The following ST3GAL6 variants were observed in gnomAD, a reference collection of about 807,000 sequenced individuals.
ST3GAL6 encodes the protein type 2 lactosamine alpha-2,3-sialyltransferase.
A neutral mutation model predicts 40.5 loss-of-function variants in ST3GAL6; 31 were observed. That is an observed-to-expected ratio of 0.77 (90% CI 0.58 to 1.03). ST3GAL6 has a LOEUF of 1.03. Ranked by LOEUF, ST3GAL6 falls within the 50% of genes least tolerant of loss-of-function variation. The probability of loss-of-function intolerance (pLI) is 0.00; values close to 1 mark genes in which losing one functional copy is unlikely to be tolerated. For missense variants in ST3GAL6, 357 were observed against 393.2 expected, an observed-to-expected ratio of 0.91 and a Z score of 0.78; for synonymous variants, 129 against 136.9, an observed-to-expected ratio of 0.94 and a Z score of 0.40.
intron 5 of ST3GAL6, chr3:98,782,759 C>G (rs828610): frequency 0.36 from 182,393 of 509,646 alleles, 36,491 homozygotes; most frequent in East Asian, 0.71. Flanking sequence ...TCCAAGTGGT[C>G]TCATAATCAA....
chr3:98,771,183 T>G, intron 3 of ST3GAL6: 1 of 1,460,342 alleles, frequency 6.8e-7, no homozygotes, highest in African/African-American at 1.4e-5. Flanking sequence ...AGTATTCTTT[T>G]CACACAGGTG....
intron 1 of ST3GAL6, among the ~76,000 whole-genome samples, chr3:98,738,340 C>G (rs1270779083): frequency 2.0e-5 from 3 of 151,900 alleles, no homozygotes; most frequent in Non-Finnish European, 4.4e-5. Context: ...GTGGCACAAT[C>G]ATTCTTCACT....
At chr3:98,782,258 T>C (rs1319677540) in intron 5 of ST3GAL6, 2 of 703,302 alleles carry the variant, frequency 2.8e-6, no homozygotes, top group Non-Finnish European at 5.2e-6. Flanking sequence ...AGCAAGGACT[T>C]CCAGTAGCTT....
chr3:98,732,750 C>A, intron 1 of ST3GAL6: 1 of 1,093,906 alleles, frequency 9.1e-7, no homozygotes, highest in Non-Finnish European at 1.2e-6. Context: ...CCGGGCAGGG[C>A]TGCTCCCTCC....
upstream of ST3GAL6, among the ~76,000 whole-genome samples, chr3:98,760,302 A>T (rs1937629742): frequency 6.6e-6 from 1 of 152,188 alleles, no homozygotes; most frequent in Non-Finnish European, 1.5e-5. Context: ...GACTCAGTGG[A>T]TCAAAGGTTG....
At chr3:98,745,367 G>T (rs1053089887) in intron 1 of ST3GAL6, among the ~76,000 whole-genome samples, 1 of 152,154 alleles carries the variant, frequency 6.6e-6, no homozygotes, top group African/African-American at 2.4e-5. Flanking sequence ...CTGAGTTTCT[G>T]GTGTTAGGGG....
chr3:98,770,912 G>A lies in ST3GAL6; in HGVS notation c.123G>A (p.Lys41=), dbSNP rs183724168. 2.5e-6 allele frequency: 4 copies of A among 1,614,124 alleles called. No individual in the cohort carries two copies. The African/African-American group carries it at 4.0e-5, about 16-fold the overall frequency. ...CTGTGGAAATGAAACGGAGAAATAAGATCCAGCCTTGTTTATCAAAGCCAG... is the reference window on the plus strand; with the variant it reads ...CTGTGGAAATGAAACGGAGAAATAAAATCCAGCCTTGTTTATCAAAGCCAG... ...VAPVEMKRRN[K]IQPCLSKPAF... is the part of the protein sequence containing the mutation. The change falls in exon 3 of 10, where the codon AAG becomes AAA. Residue 41 remains lysine (K), a synonymous_variant. Coordinates refer to ENST00000483910, the MANE Select transcript of ST3GAL6 (RefSeq NM_001323368.2).
At chr3:98,788,739 ACT>A (rs1247408935) in intron 8 of ST3GAL6, among the ~76,000 whole-genome samples, 4 of 152,026 alleles carry the variant, frequency 2.6e-5, no homozygotes, top group African/African-American at 9.7e-5. Flanking sequence ...ATCTTTCATA[ACT>A]CTGTCTTCAG....
intron 1 of ST3GAL6, among the ~76,000 whole-genome samples, chr3:98,766,334 G>A (rs1424688613): frequency 4.1e-5 from 6 of 145,936 alleles, no homozygotes; most frequent in African/African-American, 1.5e-4. Flanking sequence ...TGTCTTAGAT[G>A]TAAATACATT....
intron 5 of ST3GAL6, chr3:98,782,722 T>C (rs2107294073): frequency 4.2e-6 from 2 of 473,672 alleles, no homozygotes; most frequent in Middle Eastern, 8.7e-4. Context: ...AGGAGGCCAA[T>C]GGCGTGTCCA....
intron 5 of ST3GAL6, among the ~76,000 whole-genome samples, chr3:98,780,604 G>T (rs192949578): frequency 3.9e-5 from 6 of 152,278 alleles, no homozygotes; most frequent in Admixed American, 2.6e-4. Context: ...TGAACTGCTG[G>T]GACCATAAGT....
At chr3:98,751,044 CTT>C (rs5851136) in intron 1 of ST3GAL6, among the ~76,000 whole-genome samples, 105 of 142,506 alleles carry the variant, frequency 7.4e-4, no homozygotes, top group Admixed American at 1.4e-3. Flanking sequence ...ACTAAATAAT[CTT>C]TTTTTTTTTT....
intron 1 of ST3GAL6, among the ~76,000 whole-genome samples, chr3:98,766,091 A>G (rs1458889614): frequency 6.6e-6 from 1 of 152,188 alleles, no homozygotes; most frequent in Non-Finnish European, 1.5e-5. Flanking sequence ...GTAGCTGTTC[A>G]AGAGTGGGTT....
intron 5 of ST3GAL6, chr3:98,782,976 T>C (rs889865750): frequency 3.6e-5 from 12 of 329,348 alleles, no homozygotes; most frequent in African/African-American, 2.7e-4. Flanking sequence ...AAGGTGCCCA[T>C]GTGTGACAAA....
intron 1 of ST3GAL6, chr3:98,756,323 A>G (rs1252484171): frequency 7.8e-7 from 1 of 1,280,274 alleles, no homozygotes; most frequent in African/African-American, 1.5e-5. Flanking sequence ...TTTCTGGGGC[A>G]GCTGAACCAT....
chr3:98,742,794 G>C (rs920441908), intron 1 of ST3GAL6, among the ~76,000 whole-genome samples: 42 of 151,188 alleles, frequency 2.8e-4, no homozygotes, highest in African/African-American at 9.2e-4. Context: ...CGCCTCCTGG[G>C]TTAAGCGATT....
chr3:98,759,967 T>TAAAAACA (rs762432332), upstream of ST3GAL6, among the ~76,000 whole-genome samples: 2 of 151,926 alleles, frequency 1.3e-5, no homozygotes, highest in Non-Finnish European at 2.9e-5. Flanking sequence ...TCCAGGGAAT[T>TAAAAACA]AAAAACAAAA....
chr3:98,751,718 GA>G (rs1192779760), intron 1 of ST3GAL6, among the ~76,000 whole-genome samples: 1 of 152,066 alleles, frequency 6.6e-6, no homozygotes, highest in Non-Finnish European at 1.5e-5. Context: ...TATTATTGAT[GA>G]AAAAAATTGG....
chr3:98,784,957 A>T lies in ST3GAL6; in HGVS notation c.348A>T (p.Lys116Asn). 5 of 1,613,262 alleles carry T rather than the reference A, an allele frequency of 3.1e-6. No individual in the cohort carries two copies. The highest frequency in any genetic ancestry group is 4.2e-6 in the Non-Finnish European group (5 of 1,179,428). The change falls in exon 6 of 10, where the codon AAA becomes AAT. Residue 116 changes from lysine to asparagine, a missense_variant. Physicochemically the swap from Lys to Asn is moderately conservative, Grantham distance 94. Coordinates refer to ENST00000483910, the MANE Select transcript of ST3GAL6 (RefSeq NM_001323368.2). ...ATCTGTCCAACAGCATACCCTGTAA[A>T]AAGTGTGTGGTGGTTGGTAATGGAG... ...LFDEFDNIPC[K>N]KCVVVGNGGV...
Sources: allele counts gnomAD v4.1 joint callset (sites outside exome capture counted in the v4.1 genomes callset), GRCh38; gene constraint gnomAD v4.1.1; transcripts MANE v1.5; gene names NCBI Gene and HGNC (gene_info 2026-07-23, HGNC 2026-07-21).